MACROD2: variants seen among roughly 807,000 people sequenced by gnomAD.
MACROD2 encodes the protein ADP-ribose glycohydrolase MACROD2.
Under a neutral mutation model 70.4 loss-of-function variants are expected in MACROD2, and 36 were observed. That is an observed-to-expected ratio of 0.51 (90% CI 0.39 to 0.68). MACROD2 has a LOEUF of 0.68. Among genes scored for constraint, MACROD2 ranks in the 30% least tolerant of loss-of-function variants. The pLI, the probability that MACROD2 is intolerant of heterozygous loss-of-function variation, is 0.00. For missense variants in MACROD2, 496 were observed against 538.4 expected (o/e 0.92, Z 0.78); for synonymous variants, 172 against 178.8 (o/e 0.96, Z 0.30).
rs2066735446 is a variant in MACROD2, at chr20:16,003,082, C to CACACACACA, written c.1153+15924_1153+15925insACACACACA. On this transcript the variant is annotated intron_variant, in intron 15 of 17. Transcript: ENST00000684519. ...CAAAATAGAAAACCCACCCACCCAC[C>CACACACACA]CACACACACACACACACACACACAC... 5.7e-5 allele frequency among the ~76,000 whole-genome samples: 3 copies of CACACACACA among 53,038 alleles called. No individual in the cohort carries two copies. The Admixed American group carries it at 6.3e-4, about 11-fold the overall frequency. 34.8% of individuals were successfully genotyped at this position (53,038 alleles called of 152,430 possible). A position where few individuals can be genotyped will look rare whatever the true frequency, so the allele number is the denominator to read the frequency against.
intron 7 of MACROD2, among the ~76,000 whole-genome samples, chr20:15,464,431 C>G (rs780070801): frequency 3.7e-4 from 56 of 152,230 alleles, no homozygotes; most frequent in Non-Finnish European, 1.8e-4. Flanking sequence ...TTTGCTCTAT[C>G]TGTGCAATAT....
intron 3 of MACROD2, among the ~76,000 whole-genome samples, chr20:14,236,286 T>C (rs1393093222): frequency 6.6e-6 from 1 of 152,104 alleles, no homozygotes; most frequent in African/African-American, 2.4e-5. Flanking sequence ...CATGATCGAT[T>C]AAGTGAGAAA....
intron 4 of MACROD2, among the ~76,000 whole-genome samples, chr20:14,566,088 G>T (rs144064613): frequency 2.0e-5 from 3 of 151,976 alleles, no homozygotes; most frequent in Admixed American, 2.0e-4. Context: ...GATGACAAAT[G>T]ATATACTGGG....
At chr20:15,629,183 C>T (rs1056520832) in intron 8 of MACROD2, among the ~76,000 whole-genome samples, 6 of 152,162 alleles carry the variant, frequency 3.9e-5, no homozygotes, top group African/African-American at 1.4e-4. Flanking sequence ...TTAGCTTTAA[C>T]TATTTTCTAT....
intron 3 of MACROD2, among the ~76,000 whole-genome samples, chr20:14,484,185 T>A (rs2084694496): frequency 6.6e-6 from 1 of 152,218 alleles, no homozygotes; most frequent in Non-Finnish European, 1.5e-5. Context: ...TTGACTTATT[T>A]TAATAAACAT....
At chr20:15,361,724 A>AT (rs1043465076) in intron 6 of MACROD2, among the ~76,000 whole-genome samples, 4 of 151,124 alleles carry the variant, frequency 2.6e-5, no homozygotes, top group African/African-American at 9.7e-5. Flanking sequence ...ATATTCTTTG[A>AT]TTTTTTTTCA....
intron 8 of MACROD2, among the ~76,000 whole-genome samples, chr20:15,642,951 G>T (rs2049485150): frequency 6.6e-6 from 1 of 152,116 alleles, no homozygotes; most frequent in African/African-American, 2.4e-5. Flanking sequence ...AACCACGCAT[G>T]GGCCCTTATA....
intron 5 of MACROD2, among the ~76,000 whole-genome samples, chr20:14,846,750 C>A (rs991480269): frequency 6.6e-6 from 1 of 152,110 alleles, no homozygotes; most frequent in African/African-American, 2.4e-5. Flanking sequence ...ATCTCCTGAC[C>A]TTGTGATCCG....
intron 3 of MACROD2, among the ~76,000 whole-genome samples, chr20:14,099,135 G>A (rs1014606907): frequency 2.6e-5 from 4 of 152,120 alleles, no homozygotes; most frequent in East Asian, 1.9e-4. Flanking sequence ...AAAATTAGCC[G>A]GGCGTGGTGG....
intron 5 of MACROD2, among the ~76,000 whole-genome samples, chr20:15,172,085 T>G (rs2076426897): frequency 1.3e-5 from 2 of 152,204 alleles, no homozygotes; most frequent in Non-Finnish European, 2.9e-5. Context: ...CTCAAGATGG[T>G]TTCCCATTTT....
At chr20:15,622,290 C>T (rs772115420) in intron 8 of MACROD2, among the ~76,000 whole-genome samples, 4 of 152,216 alleles carry the variant, frequency 2.6e-5, no homozygotes, top group African/African-American at 7.2e-5. Context: ...AGGAAACAAT[C>T]TCTTAAATGT....
rs755709804 is a variant in MACROD2 at position 14,065,725 on chromosome 20, A to G, written c.164-19896A>G. ...AGAAGGGTTATATTTGACCAGTACC[A>G]CAGAGCTAGTAAGCGACAGAGTTGA... is the stretch of plus-strand genomic sequence containing the variant. On this transcript the variant is annotated intron_variant, in intron 2 of 17. Transcript: ENST00000684519. 3.3e-5 allele frequency among the ~76,000 whole-genome samples: 5 copies of G among 152,234 alleles called. No individual in the cohort carries two copies. The East Asian group carries it at 5.8e-4, about 18-fold the overall frequency.
intron 2 of MACROD2, among the ~76,000 whole-genome samples, chr20:14,067,796 C>T (rs1669626345): frequency 6.6e-6 from 1 of 152,058 alleles, no homozygotes; most frequent in African/African-American, 2.4e-5. Flanking sequence ...CTATTTTTAC[C>T]CTTGTGAGGC....
At chr20:14,004,517 G>A (rs979212117) in intron 2 of MACROD2, among the ~76,000 whole-genome samples, 5 of 152,020 alleles carry the variant, frequency 3.3e-5, no homozygotes, top group African/African-American at 1.2e-4. Context: ...TTCATGAAGT[G>A]GAATGGCTCA....
chr20:15,709,094 G>A (rs929147266), intron 8 of MACROD2, among the ~76,000 whole-genome samples: 1 of 151,970 alleles, frequency 6.6e-6, no homozygotes, highest in Non-Finnish European at 1.5e-5. Flanking sequence ...GGTATTACAG[G>A]GTTCTTTGAT....
intron 4 of MACROD2, among the ~76,000 whole-genome samples, chr20:14,659,581 T>C (rs1986130543): frequency 6.6e-6 from 1 of 152,126 alleles, no homozygotes; most frequent in Admixed American, 6.5e-5. Context: ...TCAAAAATTC[T>C]CCCCAGTTTT....
chr20:16,045,690 GT>G (rs2067370214), intron 17 of MACROD2, among the ~76,000 whole-genome samples: 1 of 152,028 alleles, frequency 6.6e-6, no homozygotes, highest in South Asian at 2.1e-4. Context: ...CTCTTCGGTG[GT>G]TAGTTTTGGG....
chr20:14,494,928 C>T (rs546243230), intron 4 of MACROD2, among the ~76,000 whole-genome samples: 1 of 151,962 alleles, frequency 6.6e-6, no homozygotes, highest in African/African-American at 2.4e-5. Context: ...GATTTTCTTA[C>T]AAGATATATT....
At chr20:13,998,995 A>G (rs1601094329) in intron 1 of MACROD2, among the ~76,000 whole-genome samples, 3 of 151,646 alleles carry the variant, frequency 2.0e-5, no homozygotes, top group Admixed American at 1.3e-4. Context: ...AATAAATGCC[A>G]TGTAATATGA....
Sources: gnomAD v4.1 joint callset for allele counts (sites outside exome capture counted in the v4.1 genomes callset) on GRCh38, gnomAD v4.1.1 for gene constraint, MANE v1.5 for transcripts, NCBI Gene and HGNC (gene_info 2026-07-23, HGNC 2026-07-21) for gene names.